Variants in GLDN observed in about 807,000 individuals in gnomAD.
The protein encoded by GLDN is collomin.
GLDN carries 47 observed loss-of-function variants against 56.5 expected under a neutral mutation model. That is an observed-to-expected ratio of 0.83 (90% CI 0.66 to 1.06). The LOEUF (loss-of-function observed/expected upper bound fraction) is 1.06, where lower values mean the gene tolerates loss of function less well. Ranked by LOEUF, GLDN falls within the 50% of genes least tolerant of loss-of-function variation. GLDN has a pLI of 0.00. For missense variants in GLDN, 782 were observed against 714.3 expected, an observed-to-expected ratio of 1.09 and a Z score of -1.08; for synonymous variants, 332 against 278.8, an observed-to-expected ratio of 1.19 and a Z score of -1.90.
chr15:51,372,909 A>G (rs1484747757), intron 1 of GLDN, among the ~76,000 whole-genome samples: 4 of 152,200 alleles, frequency 2.6e-5, no homozygotes, highest in African/African-American at 9.7e-5. Context: ...ACCAGAATCT[A>G]GTGAGGGCCT....
intron 1 of GLDN, among the ~76,000 whole-genome samples, chr15:51,354,663 C>T (rs2037140726): frequency 6.6e-6 from 1 of 152,140 alleles, no homozygotes; most frequent in Non-Finnish European, 1.5e-5. Context: ...CCAGACAGGC[C>T]TTCCTGTACT....
rs770312782 is a variant in GLDN at position 51,383,783 on chromosome 15, A to G, written c.434-2A>G. On this transcript the variant is annotated splice_acceptor_variant, in intron 3 of 9. Coordinates refer to ENST00000335449, the MANE Select transcript of GLDN (RefSeq NM_181789.4). LOFTEE classifies it high-confidence loss of function. ...TGTCCCTGTTTCTGTGTTTTGATGCAGGACCTCCGGGAGCCGGCGGGTTGC... is the reference window on the plus strand; with the variant it reads ...TGTCCCTGTTTCTGTGTTTTGATGCGGGACCTCCGGGAGCCGGCGGGTTGC... The G allele has an allele frequency of 3.8e-6, 6 of 1,596,594 alleles. No individual in the cohort carries two copies. Among genetic ancestry groups the G allele is most frequent in the Middle Eastern group, 1.7e-4 (1 of 6,046 alleles).
At chr15:51,396,224 C>T (rs1386520428) in intron 5 of GLDN, among the ~76,000 whole-genome samples, 1 of 152,236 alleles carries the variant, frequency 6.6e-6, no homozygotes, top group African/African-American at 2.4e-5. Context: ...GCCAGGGGCG[C>T]AGATGTTCCT....
intron 3 of GLDN, 113 bp downstream of exon 3, chr15:51,383,566 G>A: frequency 7.8e-7 from 1 of 1,276,226 alleles, no homozygotes; most frequent in Non-Finnish European, 1.1e-6. Context: ...AGTCCTGGCT[G>A]TGTGTCTCCT....
chr15:51,353,766 T>TC (rs1434550735), intron 1 of GLDN, among the ~76,000 whole-genome samples: 3 of 101,068 alleles, frequency 3.0e-5, no homozygotes, highest in African/African-American at 1.5e-4. Flanking sequence ...AAAAAGACAC[T>TC]CTTTTATTCC....
At chr15:51,382,836 C>G (rs781115818) in intron 2 of GLDN, among the ~76,000 whole-genome samples, 1 of 152,196 alleles carries the variant, frequency 6.6e-6, no homozygotes, top group African/African-American at 2.4e-5. Flanking sequence ...TAAGACACCC[C>G]TATTTGTGGG....
In GLDN at chr15:51,383,426, TC is replaced by T; in HGVS notation, c.416-8del. The T allele has an allele frequency of 1.2e-6, 2 of 1,614,038 alleles. No individual in the cohort carries two copies. Among genetic ancestry groups the T allele is most frequent in the Non-Finnish European group, 1.7e-6 (2 of 1,179,934 alleles). On this transcript the variant is annotated splice_polypyrimidine_tract_variant and intron_variant, in intron 2 of 9. Coordinates refer to ENST00000335449, the MANE Select transcript of GLDN (RefSeq NM_181789.4). ...GCTGGTTTCTCAACTAAATTTTTTT[TC>T]CGTTGTAGGACCTTCTGGACCACCA...
chr15:51,370,322 A>T (rs935605498), intron 1 of GLDN, among the ~76,000 whole-genome samples: 1 of 152,000 alleles, frequency 6.6e-6, no homozygotes, highest in Non-Finnish European at 1.5e-5. Context: ...GTCATGTCCA[A>T]CCCTCTCATT....
At position 51,379,073 on chromosome 15, in the gene GLDN, C is replaced by T. The variant is rs967459426; in HGVS notation, c.415+1573C>T. ...TGACCAGGTAACCTGGCTCCCATTCCTCTTCCTTGCCCAGCTGTTGCTGCT... is the reference window on the plus strand; with the variant it reads ...TGACCAGGTAACCTGGCTCCCATTCTTCTTCCTTGCCCAGCTGTTGCTGCT... On this transcript the variant is annotated intron_variant, in intron 2 of 9. Transcript: ENST00000335449. Among the ~76,000 whole-genome samples the T allele has an allele frequency of 3.9e-5, 6 of 152,242 alleles. No homozygotes were observed. In the South Asian group the frequency reaches 1.2e-3, roughly 31 times the overall value.
intron 1 of GLDN, among the ~76,000 whole-genome samples, chr15:51,366,339 G>A (rs1317641296): frequency 6.6e-6 from 1 of 152,206 alleles, no homozygotes; most frequent in African/African-American, 2.4e-5. Flanking sequence ...AAAAGCACAA[G>A]GACTTGTCAT....
intron 1 of GLDN, among the ~76,000 whole-genome samples, chr15:51,361,320 GT>G (rs1490310814): frequency 1.3e-5 from 2 of 152,042 alleles, no homozygotes; most frequent in Non-Finnish European, 2.9e-5. Context: ...ATGTCTCATG[GT>G]TTTTTGCTAT....
chr15:51,358,902 A>G (rs2037238274), intron 1 of GLDN, among the ~76,000 whole-genome samples: 1 of 152,146 alleles, frequency 6.6e-6, no homozygotes, highest in South Asian at 2.1e-4. Flanking sequence ...TCTTTTGTAA[A>G]CAGGAGGGCA....
rs768394686 is a variant in GLDN, at chr15:51,341,903, C to T, written c.219C>T (p.Ser73=). Reference sequence around the variant, plus strand: ...TGCGCTCCTTCCTGGCCGAGTTGAGCCGCGCGCCGCGCGGGGCGTCCGCAC... The same window carrying T: ...TGCGCTCCTTCCTGGCCGAGTTGAGTCGCGCGCCGCGCGGGGCGTCCGCAC... ...SALRSFLAEL[S]RAPRGASAPP... is the part of the protein sequence containing the mutation. The change falls in exon 1 of 10, where the codon AGC becomes AGT. Residue 73 remains serine, a synonymous_variant. Coordinates refer to ENST00000335449, the MANE Select transcript of GLDN (RefSeq NM_181789.4). 1.3e-6 allele frequency: 2 copies of T among 1,590,508 alleles called. No homozygotes were observed. The highest frequency in any genetic ancestry group is 2.2e-5 in the South Asian group (2 of 90,546).
At chr15:51,401,362 C>A (rs1191918463) in intron 8 of GLDN, among the ~76,000 whole-genome samples, 4 of 152,180 alleles carry the variant, frequency 2.6e-5, no homozygotes, top group African/African-American at 9.7e-5. Context: ...ATAGTTCTCC[C>A]AGGAGCAGCC....
intron 1 of GLDN, among the ~76,000 whole-genome samples, chr15:51,348,237 G>A (rs1477702486): frequency 1.3e-5 from 2 of 152,168 alleles, no homozygotes; most frequent in African/African-American, 4.8e-5. Context: ...GGCTCCCGCT[G>A]ATGGTGACTG....
chr15:51,392,893 C>A (rs1471316257), intron 4 of GLDN, among the ~76,000 whole-genome samples: 1 of 152,164 alleles, frequency 6.6e-6, no homozygotes, highest in African/African-American at 2.4e-5. Context: ...TTCATCCTTT[C>A]CAATCTGTAT....
At chr15:51,393,836 G>A (rs1595835039) in intron 4 of GLDN, among the ~76,000 whole-genome samples, 2 of 152,350 alleles carry the variant, frequency 1.3e-5, no homozygotes, top group East Asian at 1.9e-4. Context: ...TTCTAGCAAT[G>A]TGCGGAGGAC....
chr15:51,370,908 C>T (rs2037503024), intron 1 of GLDN, among the ~76,000 whole-genome samples: 2 of 152,126 alleles, frequency 1.3e-5, no homozygotes, highest in Admixed American at 6.5e-5. Context: ...AGGAGAATTG[C>T]TTGAATCTGC....
At chr15:51,374,450 T>C (rs2037581846) in intron 1 of GLDN, among the ~76,000 whole-genome samples, 1 of 152,214 alleles carries the variant, frequency 6.6e-6, no homozygotes, top group Non-Finnish European at 1.5e-5. Flanking sequence ...ACCAGAGCCA[T>C]AATAGAAAGT....
Sources: allele counts gnomAD v4.1 joint callset (sites outside exome capture counted in the v4.1 genomes callset), GRCh38; gene constraint gnomAD v4.1.1; transcripts MANE v1.5; gene names NCBI Gene and HGNC (gene_info 2026-07-23, HGNC 2026-07-21).